FRY: variants seen among roughly 807,000 people sequenced by gnomAD.
FRY encodes protein furry homolog.
In FRY, 128 loss-of-function variants were observed where a neutral mutation model predicts 348.4. The observed-to-expected ratio is 0.37, with a 90% CI of 0.32 to 0.43. The LOEUF (loss-of-function observed/expected upper bound fraction) is 0.43. Ranked by LOEUF, FRY falls within the 20% of genes least tolerant of loss-of-function variation. The pLI is 1.00. For synonymous variants in FRY, 1,370 were observed against 1,374.7 expected (o/e 1.00, Z 0.08); for missense variants, 2,736 against 3,695.2 (o/e 0.74, Z 6.73).
intron 21 of FRY, 98 bp downstream of exon 21, chr13:32,178,534 T>C: frequency 2.3e-6 from 3 of 1,281,770 alleles, no homozygotes; most frequent in Non-Finnish European, 3.3e-6. Flanking sequence ...TCATCCCAAT[T>C]TCTGAACTTC....
intron 17 of FRY, among the ~76,000 whole-genome samples, chr13:32,169,094 G>A (rs1044473912): frequency 2.0e-5 from 3 of 152,090 alleles, no homozygotes; most frequent in East Asian, 1.9e-4. Flanking sequence ...GCCATGTTCC[G>A]CCACTGAACA....
rs142544174 is a variant in FRY, at chr13:32,277,429, A to G, written c.8385+867A>G. Among the ~76,000 whole-genome samples the G allele has an allele frequency of 4.7e-4, 72 of 152,332 alleles. 1 individual carries two copies. The Middle Eastern group carries it at 0.01, about 22-fold the overall frequency. On this transcript the variant is annotated intron_variant, in intron 57 of 60. Transcript: ENST00000542859. ...CTTTTTATGTGTCCAACAATCTGCT[A>G]AGAGTTAAATCTCTTAAATTATATC...
At chr13:32,268,450 A>G (rs558765798) in intron 55 of FRY, among the ~76,000 whole-genome samples, 6 of 147,356 alleles carry the variant, frequency 4.1e-5, no homozygotes, top group Non-Finnish European at 8.9e-5. Flanking sequence ...ATGTGGAACT[A>G]TGGTTACCAT....
intron 46 of FRY, among the ~76,000 whole-genome samples, chr13:32,240,837 T>C (rs17077321): frequency 0.084 from 12,723 of 152,252 alleles, 1,378 homozygotes; most frequent in East Asian, 0.26. Context: ...TCAATCCAGA[T>C]GCCAGATAGG....
intron 36 of FRY, among the ~76,000 whole-genome samples, chr13:32,221,278 C>T (rs1004969569): frequency 6.6e-6 from 1 of 152,198 alleles, no homozygotes; most frequent in Non-Finnish European, 1.5e-5. Context: ...TTCACACTAC[C>T]TTGCAGAAGT....
Position 32,136,940 on chromosome 13 carries a change from AT to A in FRY, c.1151del (p.Phe384SerfsTer32). On this transcript the variant is annotated frameshift_variant, in exon 11 of 61. Transcript: ENST00000542859. LOFTEE classifies it high-confidence loss of function. ...QKQLFLNRWH[I>X]FLNNCLSNLK... ...GCAGCTGTTCCTGAACAGGTGGCAC[AT>A]TTTCCTCAACAACTGCTTGTCCAAC... is the stretch of plus-strand genomic sequence containing the variant. The A allele has an allele frequency of 1.2e-6, 2 of 1,604,348 alleles. No individual in the cohort carries two copies. The highest frequency in any genetic ancestry group is 1.7e-6 in the Non-Finnish European group (2 of 1,171,136).
At chr13:32,149,706 A>G (rs764951054) in intron 13 of FRY, 42 bp from the exon 14 acceptor site, 32 of 1,185,710 alleles carry the variant, frequency 2.7e-5, no homozygotes, top group Non-Finnish European at 3.9e-5. Context: ...TGTTGAGTTT[A>G]TATTTTAACA....
intron 3 of FRY, among the ~76,000 whole-genome samples, chr13:32,106,438 T>C (rs1187391511): frequency 6.6e-6 from 1 of 152,122 alleles, no homozygotes; most frequent in Non-Finnish European, 1.5e-5. Context: ...CTTTTATCAG[T>C]TATGATTAGC....
At chr13:32,159,056 A>G (rs1018732312) in intron 16 of FRY, among the ~76,000 whole-genome samples, 1 of 152,004 alleles carries the variant, frequency 6.6e-6, no homozygotes, top group African/African-American at 2.4e-5. Context: ...ATTCAAAATC[A>G]TAAAAAGGTA....
intron 4 of FRY, among the ~76,000 whole-genome samples, chr13:32,123,820 T>TTTG (rs34241410): frequency 0.17 from 26,269 of 151,696 alleles, 2,623 homozygotes; most frequent in East Asian, 0.26. Flanking sequence ...ATTAGCATGT[T>TTTG]TTGTTGTTGT....
intron 36 of FRY, among the ~76,000 whole-genome samples, chr13:32,219,270 T>C (rs1156521474): frequency 2.0e-5 from 3 of 149,702 alleles, no homozygotes; most frequent in African/African-American, 7.3e-5. Context: ...TTGTATTTTT[T>C]AGTAGAGACG....
At chr13:32,108,723 A>G (rs1275342302) in intron 3 of FRY, among the ~76,000 whole-genome samples, 2 of 152,214 alleles carry the variant, frequency 1.3e-5, no homozygotes, top group Non-Finnish European at 2.9e-5. Flanking sequence ...TATAGACAAG[A>G]ATTATTTTGC....
At chr13:32,254,018 C>G (rs1433767962) in intron 50 of FRY, 1 of 598,510 alleles carries the variant, frequency 1.7e-6, no homozygotes, top group Non-Finnish European at 3.0e-6. Context: ...GAACATTTTC[C>G]TGGTGCATGA....
intron 3 of FRY, among the ~76,000 whole-genome samples, chr13:32,106,102 TATA>T (rs1877532208): frequency 6.8e-6 from 1 of 148,098 alleles, no homozygotes; most frequent in African/African-American, 2.4e-5. Flanking sequence ...TAACATTAAA[TATA>T]ATATATTAAT....
chr13:32,167,495 A>T (rs1881804699), intron 17 of FRY, among the ~76,000 whole-genome samples: 1 of 152,174 alleles, frequency 6.6e-6, no homozygotes, highest in African/African-American at 2.4e-5. Context: ...TGCCCTTCTT[A>T]TAAGGACACC....
At chr13:32,176,522 C>CATA (rs1882369468) in intron 20 of FRY, among the ~76,000 whole-genome samples, 1 of 152,122 alleles carries the variant, frequency 6.6e-6, no homozygotes, top group Admixed American at 6.6e-5. Flanking sequence ...TGCTTATGAT[C>CATA]ATAATAATAA....
chr13:32,186,394 A>T lies in FRY; in HGVS notation c.3454A>T (p.Thr1152Ser). The T allele has an allele frequency of 1.9e-6, 3 of 1,608,462 alleles. No individual in the cohort carries two copies. Among genetic ancestry groups the T allele is most frequent in the Non-Finnish European group, 2.6e-6 (3 of 1,174,788 alleles). ...TTACAGTGACAGAAATCATCAGATT[A>T]CAAGATATCAGTATTGTGCATTAAA... ...DRYSDRNHQI[T>S]RYQYCALKAM... Residue 1152 changes from threonine (T) to serine (S), a missense_variant, in exon 27 of 61, where the codon ACA becomes TCA. Thr to Ser is a moderately conservative substitution (Grantham distance 58). Transcript: ENST00000542859.
intron 7 of FRY, among the ~76,000 whole-genome samples, chr13:32,127,818 G>C (rs74455203): frequency 0.016 from 2,443 of 151,990 alleles, 60 homozygotes; most frequent in African/African-American, 0.056. Context: ...ATTTTTAAAT[G>C]AGAAATAAAT....
At chr13:32,174,065 A>G (rs577373718) in intron 19 of FRY, among the ~76,000 whole-genome samples, 1 of 152,352 alleles carries the variant, frequency 6.6e-6, no homozygotes, top group African/African-American at 2.4e-5. Flanking sequence ...AACACCCCAC[A>G]TTTGGCTAAA....
Sources: allele counts gnomAD v4.1 joint callset (sites outside exome capture counted in the v4.1 genomes callset), GRCh38; gene constraint gnomAD v4.1.1; transcripts MANE v1.5; gene names NCBI Gene and HGNC (gene_info 2026-07-23, HGNC 2026-07-21).